TAS2R4: variants seen among roughly 807,000 people sequenced by gnomAD.
The protein encoded by TAS2R4 is taste 2 receptor member 4, also known as taste receptor type 2 member 4.
A neutral mutation model predicts 14.3 loss-of-function variants in TAS2R4; 18 were observed. The observed-to-expected ratio is 1.26, with a 90% CI of 0.87 to 1.86. The LOEUF (loss-of-function observed/expected upper bound fraction) is 1.86, where lower values mean the gene tolerates loss of function less well. Ranked by LOEUF, TAS2R4 falls within the 40% of genes most tolerant of loss-of-function variation. The pLI is 0.00. For missense variants in TAS2R4, 306 were observed against 342.7 expected (o/e 0.89, Z 0.85); for synonymous variants, 130 against 138.5 (o/e 0.94, Z 0.43).
In TAS2R4 at chr7:141,778,418, G is replaced by C. The variant is rs1046747688; in HGVS notation, c.-71G>C. 1 of 1,411,062 alleles carries C rather than the reference G, an allele frequency of 7.1e-7. No homozygotes were observed. Among genetic ancestry groups the C allele is most frequent in the South Asian group, 1.4e-5 (1 of 73,998 alleles). The allele number at this position is 1,411,062 out of a possible 1,614,324, so 87.4% of individuals were successfully genotyped here. A position where few individuals can be genotyped will look rare whatever the true frequency, so the allele number is the denominator to read the frequency against. ...CCTTCCTGGCTGGATACTGGTGTCTGCTTATACATTTTGGTATTTCTTCTG... is the reference window on the plus strand; with the variant it reads ...CCTTCCTGGCTGGATACTGGTGTCTCCTTATACATTTTGGTATTTCTTCTG... On this transcript the variant is annotated 5_prime_UTR_variant, in exon 1 of 1. Transcript: ENST00000247881.
At position 141,779,189 on chromosome 7, in the gene TAS2R4, A is replaced by G. The variant is rs909372094; in HGVS notation, c.701A>G (p.Tyr234Cys). ...GTAGGTGCTATGAAGCTGATGGTCT[A>G]TTTCCTCATCCTCTACATTCCATAT... ...AHVGAMKLMV[Y>C]FLILYIPYSV... The change falls in exon 1 of 1, where the codon TAT becomes TGT. Residue 234 changes from tyrosine to cysteine, a missense_variant. Coordinates refer to ENST00000247881, the MANE Select transcript of TAS2R4 (RefSeq NM_016944.2). 3.0e-5 allele frequency: 48 copies of G among 1,614,020 alleles called. No homozygotes were observed. The highest frequency in any genetic ancestry group is 4.0e-5 in the African/African-American group (3 of 74,908).
In TAS2R4 at chr7:141,777,008, T is replaced by A. The variant is rs1800251756; in HGVS notation, c.-1481T>A. On this transcript the variant is annotated 5_prime_UTR_variant, in exon 1 of 1. Coordinates refer to ENST00000247881, the MANE Select transcript of TAS2R4 (RefSeq NM_016944.2). The stretch of plus-strand genomic sequence containing the variant: ...GGGATTCCTGCTCTTTTGGCCACAT[T>A]TATCTGTTATGGCTTACTCTATATC... Among the ~76,000 whole-genome samples the A allele has an allele frequency of 6.6e-6, 1 of 152,222 alleles. No individual in the cohort carries two copies. The highest frequency in any genetic ancestry group is 2.4e-5 in the African/African-American group (1 of 41,468).
chr7:141,779,731 C>T lies in TAS2R4; in HGVS notation c.*343C>T, dbSNP rs529921519. 135 of 210,704 alleles carry T rather than the reference C, an allele frequency of 6.4e-4. No individual in the cohort carries two copies. In the Admixed American group the frequency reaches 6.6e-3, roughly 10 times the overall value. The allele number at this position is 210,704 out of a possible 1,614,324, so 13.1% of individuals were successfully genotyped here. On this transcript the variant is annotated 3_prime_UTR_variant, in exon 1 of 1. Coordinates refer to ENST00000247881, the MANE Select transcript of TAS2R4 (RefSeq NM_016944.2). The stretch of plus-strand genomic sequence containing the variant: ...AAATTAGAGAACACATTGGGGTGCA[C>T]GTGATGAGTTAGATATTTGTGGTTT...
chr7:141,781,576 A>AT lies in TAS2R4; in HGVS notation c.*2196dup, dbSNP rs35615465. 0.42 allele frequency among the ~76,000 whole-genome samples: 63,986 copies of AT among 151,600 alleles called. 14,496 individuals are homozygous for AT. Among genetic ancestry groups the AT allele is most frequent in the East Asian group, 0.69 (3,538 of 5,158 alleles). On this transcript the variant is annotated 3_prime_UTR_variant, in exon 1 of 1. Coordinates refer to ENST00000247881, the MANE Select transcript of TAS2R4 (RefSeq NM_016944.2). ...AAACCTGTACATGTGGTATAATACC[A>AT]TTTTTTTTGGTAAAAATGTGTACAT...
rs546761810 is a variant in TAS2R4 at position 141,780,331 on chromosome 7, G to C, written c.*943G>C. The C allele has an allele frequency of 1.4e-4, 21 of 152,350 alleles. No homozygotes were observed. Among genetic ancestry groups the C allele is most frequent in the South Asian group, 6.2e-4 (3 of 4,828 alleles). 9.4% of individuals were successfully genotyped at this position (152,350 alleles called of 1,614,324 possible). ...AGGTTTCTAGGCTTGTTCTGGAAAA[G>C]AGGATATTGCCAGAGTTGGTAAGTA... On this transcript the variant is annotated 3_prime_UTR_variant, in exon 1 of 1. Coordinates refer to ENST00000247881, the MANE Select transcript of TAS2R4 (RefSeq NM_016944.2).
rs1800320734 is a variant in TAS2R4 at position 141,781,575 on chromosome 7, C to CT, written c.*2187_*2188insT. Among the ~76,000 whole-genome samples the CT allele has an allele frequency of 8.3e-6, 1 of 120,282 alleles. No individual in the cohort carries two copies. The highest frequency in any genetic ancestry group is 2.6e-5 in the African/African-American group (1 of 38,300). The allele number at this position is 120,282 out of a possible 152,430, so 78.9% of individuals were successfully genotyped here. A position where few individuals can be genotyped will look rare whatever the true frequency, so the allele number is the denominator to read the frequency against. On this transcript the variant is annotated 3_prime_UTR_variant, in exon 1 of 1. Coordinates refer to ENST00000247881, the MANE Select transcript of TAS2R4 (RefSeq NM_016944.2). ...AAAACCTGTACATGTGGTATAATAC[C>CT]ATTTTTTTTGGTAAAAATGTGTACA...
At position 141,778,857 on chromosome 7, in the gene TAS2R4, G is replaced by T. The variant is rs201239135; in HGVS notation, c.369G>T (p.Arg123=). ...ACTCAGTGTTTCTCCTGCTGAAGCG[G>T]AATATCTCCCCAAAGATCCCCAGGC... ...FQHSVFLLLK[R]NISPKIPRLL... is the part of the protein sequence containing the mutation. The change falls in exon 1 of 1, where the codon CGG becomes CGT. Residue 123 remains arginine, a synonymous_variant. Transcript: ENST00000247881. The T allele has an allele frequency of 3.7e-6, 6 of 1,614,068 alleles. No homozygotes were observed. The highest frequency in any genetic ancestry group is 5.1e-6 in the Non-Finnish European group (6 of 1,180,044).
rs765599149 is a variant in TAS2R4 at position 141,781,656 on chromosome 7, G to C, written c.*2268G>C. Among the ~76,000 whole-genome samples, 23 of 152,066 alleles carry C rather than the reference G, an allele frequency of 1.5e-4. No homozygotes were observed. Among genetic ancestry groups the C allele is most frequent in the African/African-American group, 5.3e-4 (22 of 41,500 alleles). On this transcript the variant is annotated 3_prime_UTR_variant, in exon 1 of 1. Coordinates refer to ENST00000247881, the MANE Select transcript of TAS2R4 (RefSeq NM_016944.2). ...AAAATGTAAACAGTAATTATTTTAG[G>C]TGGGAGGAATCAATAAATTTTTTTG...
In TAS2R4 at chr7:141,781,457, C is replaced by T. The variant is rs1800319366; in HGVS notation, c.*2069C>T. Reference sequence around the variant, plus strand: ...ACCTATGCTATACCTTAAATATACACAATAATATATATCTTTATGATGAAA... The same window carrying T: ...ACCTATGCTATACCTTAAATATACATAATAATATATATCTTTATGATGAAA... On this transcript the variant is annotated 3_prime_UTR_variant, in exon 1 of 1. Transcript: ENST00000247881. 6.6e-6 allele frequency among the ~76,000 whole-genome samples: 1 copy of T among 152,016 alleles called. No individual in the cohort carries two copies. The highest frequency in any genetic ancestry group is 2.1e-4 in the South Asian group (1 of 4,818).
Position 141,777,038 on chromosome 7 carries a change from A to T in TAS2R4, c.-1451A>T, listed in dbSNP as rs1402317297. 6.6e-6 allele frequency among the ~76,000 whole-genome samples: 1 copy of T among 152,140 alleles called. No individual in the cohort carries two copies. Among genetic ancestry groups the T allele is most frequent in the Admixed American group, 6.5e-5 (1 of 15,276 alleles). ...TGTTATGGCTTACTCTATATCATTT[A>T]TTCTATTTAAATGTGATGTTAGTAA... On this transcript the variant is annotated 5_prime_UTR_variant, in exon 1 of 1. Coordinates refer to ENST00000247881, the MANE Select transcript of TAS2R4 (RefSeq NM_016944.2).
chr7:141,778,685 C>T lies in TAS2R4; in HGVS notation c.197C>T (p.Thr66Ile). 6.2e-7 allele frequency: 1 copy of T among 1,614,220 alleles called. No individual in the cohort carries two copies. Among genetic ancestry groups the T allele is most frequent in the Non-Finnish European group, 8.5e-7 (1 of 1,180,046 alleles). The change falls in exon 1 of 1, where the codon ACC (threonine) becomes ATC (isoleucine). Residue 66 changes from threonine (T) to isoleucine (I), a missense_variant. Transcript: ENST00000247881. Reference protein sequence around the residue: ...FLMLGLFLVNTIYFVSSNTER... With the variant: ...FLMLGLFLVNIIYFVSSNTER... ...ATGCTGGGACTATTTCTGGTGAACACCATCTACTTCGTCTCTTCAAATACG... is the reference window on the plus strand; with the variant it reads ...ATGCTGGGACTATTTCTGGTGAACATCATCTACTTCGTCTCTTCAAATACG...
At position 141,779,944 on chromosome 7, in the gene TAS2R4, A is replaced by G. The variant is rs139145080; in HGVS notation, c.*556A>G. On this transcript the variant is annotated 3_prime_UTR_variant, in exon 1 of 1. Transcript: ENST00000247881. ...TACACTGGGCCAGGCGCGGTGGCTC[A>G]TGCTTGTAATCCCAGCTCTTTGGGA... 2,669 of 153,036 alleles carry G rather than the reference A, an allele frequency of 0.017. 41 individuals carry two copies. Among genetic ancestry groups the G allele is most frequent in the South Asian group, 0.059 (285 of 4,840 alleles). The allele number at this position is 153,036 out of a possible 1,614,324, so 9.5% of individuals were successfully genotyped here.
At position 141,778,944 on chromosome 7, in the gene TAS2R4, G is replaced by C; in HGVS notation, c.456G>C (p.Gln152His). Reference protein sequence around the residue: ...FTTCLYITLSQASPFPELVTT... With the variant: ...FTTCLYITLSHASPFPELVTT... ...CTTGCCTGTACATCACGCTTAGCCA[G>C]GCATCACCTTTTCCTGAACTTGTGA... The change falls in exon 1 of 1, where the codon CAG (glutamine) becomes CAC (histidine). Residue 152 changes from glutamine to histidine, a missense_variant. Gln to His is a conservative substitution (Grantham distance 24, BLOSUM62 0). Coordinates refer to ENST00000247881, the MANE Select transcript of TAS2R4 (RefSeq NM_016944.2). 6.2e-7 allele frequency: 1 copy of C among 1,614,220 alleles called. No homozygotes were observed. The highest frequency in any genetic ancestry group is 8.5e-7 in the Non-Finnish European group (1 of 1,180,048).
In TAS2R4 at chr7:141,777,232, A is replaced by C. The variant is rs1584782420; in HGVS notation, c.-1257A>C. 1.3e-5 allele frequency among the ~76,000 whole-genome samples: 2 copies of C among 152,172 alleles called. No individual in the cohort carries two copies. The highest frequency in any genetic ancestry group is 2.9e-5 in the Non-Finnish European group (2 of 68,036). ...TTAGTTTTGAATAAAAAGCTTCTGT[A>C]AGCACCTGGGCACCAGGTCAGAGAA... On this transcript the variant is annotated 5_prime_UTR_variant, in exon 1 of 1. It removes the in-frame stop codon of an upstream open reading frame in the 5' UTR. Coordinates refer to ENST00000247881, the MANE Select transcript of TAS2R4 (RefSeq NM_016944.2).
rs745489754 is a variant in TAS2R4, at chr7:141,779,089, C to T, written c.601C>T (p.His201Tyr). The change falls in exon 1 of 1, where the codon CAC (histidine) becomes TAC (tyrosine). Residue 201 changes from histidine to tyrosine, a missense_variant. His to Tyr is a moderately conservative substitution (Grantham distance 83). Coordinates refer to ENST00000247881, the MANE Select transcript of TAS2R4 (RefSeq NM_016944.2). ...TGTGACTTCTGCTTCCTTGCTAATA[C>T]ACTCCTTGAGGAGACATATACAGAA... ...INVTSASLLI[H>Y]SLRRHIQKMQ... The T allele has an allele frequency of 1.1e-5, 17 of 1,614,124 alleles. No individual in the cohort carries two copies. Among genetic ancestry groups the T allele is most frequent in the Non-Finnish European group, 1.4e-5 (16 of 1,180,050 alleles).
chr7:141,777,268 C>T lies in TAS2R4; in HGVS notation c.-1221C>T, dbSNP rs1386789825. Among the ~76,000 whole-genome samples the T allele has an allele frequency of 6.6e-6, 1 of 152,136 alleles. No individual in the cohort carries two copies. The highest frequency in any genetic ancestry group is 6.5e-5 in the Admixed American group (1 of 15,272). On this transcript the variant is annotated 5_prime_UTR_variant, in exon 1 of 1. Coordinates refer to ENST00000247881, the MANE Select transcript of TAS2R4 (RefSeq NM_016944.2). ...CACCAGGTCAGAGAATTTCTCCAGG[C>T]TAGGCTTCCTGTCATCTGTCTTAAA...
rs1250221275 is a variant in TAS2R4, at chr7:141,781,459, A to G, written c.*2071A>G. Among the ~76,000 whole-genome samples the G allele has an allele frequency of 6.6e-6, 1 of 152,178 alleles. No individual in the cohort carries two copies. Among genetic ancestry groups the G allele is most frequent in the Non-Finnish European group, 1.5e-5 (1 of 68,042 alleles). On this transcript the variant is annotated 3_prime_UTR_variant, in exon 1 of 1. Transcript: ENST00000247881. Reference sequence around the variant, plus strand: ...CTATGCTATACCTTAAATATACACAATAATATATATCTTTATGATGAAATA... The same window carrying G: ...CTATGCTATACCTTAAATATACACAGTAATATATATCTTTATGATGAAATA...
rs2117223641 is a variant in TAS2R4, at chr7:141,779,542, A to T, written c.*154A>T. On this transcript the variant is annotated 3_prime_UTR_variant, in exon 1 of 1. Transcript: ENST00000247881. ...TGCCTGAATTTCAGTTCATTCTGTA[A>T]TTTTTTTTTTTTGGTATGTAAGTAT... 1.6e-6 allele frequency: 1 copy of T among 610,430 alleles called. No homozygotes were observed. The highest frequency in any genetic ancestry group is 2.5e-6 in the Non-Finnish European group (1 of 396,622). The allele number at this position is 610,430 out of a possible 1,614,324, so 37.8% of individuals were successfully genotyped here.
Position 141,778,317 on chromosome 7 carries a change from C to T in TAS2R4, c.-172C>T. ...AGTAATGTAATCCTTGGAAGATTTG[C>T]ATCTCAGTAAAATCAGGTGGCCCTT... On this transcript the variant is annotated 5_prime_UTR_variant, in exon 1 of 1. Transcript: ENST00000247881. 1.7e-6 allele frequency: 1 copy of T among 605,310 alleles called. No homozygotes were observed. The highest frequency in any genetic ancestry group is 2.9e-6 in the Non-Finnish European group (1 of 346,906). The allele number at this position is 605,310 out of a possible 1,614,324, so 37.5% of individuals were successfully genotyped here. A position where few individuals can be genotyped will look rare whatever the true frequency, so the allele number is the denominator to read the frequency against.
Sources: gnomAD v4.1 joint callset for allele counts (sites outside exome capture counted in the v4.1 genomes callset) on GRCh38, gnomAD v4.1.1 for gene constraint, MANE v1.5 for transcripts, NCBI Gene and HGNC (gene_info 2026-07-23, HGNC 2026-07-21) for gene names.